Variants in ATP10B observed in about 807,000 individuals in gnomAD.
ATP10B encodes ATPase phospholipid transporting 10B (putative).
In ATP10B, 122 loss-of-function variants were observed where a neutral mutation model predicts 141.2. The observed-to-expected ratio is 0.86, with a 90% CI of 0.75 to 1.00. The LOEUF (loss-of-function observed/expected upper bound fraction) is 1.00, where lower values mean the gene tolerates loss of function less well. Among genes scored for constraint, ATP10B ranks in the 50% least tolerant of loss-of-function variants. The pLI is 0.00. For missense variants in ATP10B, 1,876 were observed against 1,825.3 expected, an observed-to-expected ratio of 1.03 and a Z score of -0.51; for synonymous variants, 685 against 692.0, an observed-to-expected ratio of 0.99 and a Z score of 0.16.
chr5:160,928,973 A>T, the ATP10B span, among the ~76,000 whole-genome samples: 1 of 152,182 alleles, frequency 6.6e-6, no homozygotes, highest in African/African-American at 2.4e-5. Flanking sequence ...AGCCCTCATA[A>T]CACAGTCACC....
Position 160,620,784 on chromosome 5 carries a change from G to A in ATP10B, c.1979C>T (p.Ser660Leu), listed in dbSNP as rs540670949. ...SLGANVATTD[S>L]DERDDASVCS... is the part of the protein sequence containing the mutation. Reference sequence around the variant, plus strand: ...CACAGATGCATCATCTCTCTCATCCGAGTCTGTGGTGGCCACGTTGGCCCC... The same window carrying A: ...CACAGATGCATCATCTCTCTCATCCAAGTCTGTGGTGGCCACGTTGGCCCC... Residue 660 changes from serine to leucine, a missense_variant, in exon 15 of 26, where the codon TCG (serine) becomes TTG (leucine). Physicochemically the swap from Ser to Leu is moderately radical, Grantham distance 145 (BLOSUM62 -2). Transcript: ENST00000327245. The A allele has an allele frequency of 7.4e-6, 12 of 1,614,160 alleles. No homozygotes were observed. The highest frequency in any genetic ancestry group is 2.2e-5 in the South Asian group (2 of 91,080).
In ATP10B at chr5:160,792,916, G is replaced by C. The variant is rs548963790; in HGVS notation, c.-575-7113C>G. 2.0e-5 allele frequency among the ~76,000 whole-genome samples: 3 copies of C among 152,236 alleles called. 1 individual carries two copies. In the South Asian group the frequency reaches 6.2e-4, roughly 32 times the overall value. On this transcript the variant is annotated intron_variant, in intron 1 of 25. Coordinates refer to ENST00000327245, the MANE Select transcript of ATP10B (RefSeq NM_025153.3). ...AAAACACTCAACTGAACACACACATGCCATGCTCTCAAAGCACTTCAGAGC... is the reference window on the plus strand; with the variant it reads ...AAAACACTCAACTGAACACACACATCCCATGCTCTCAAAGCACTTCAGAGC...
chr5:160,715,543 C>A (rs1045286257), intron 3 of ATP10B, among the ~76,000 whole-genome samples: 1 of 148,618 alleles, frequency 6.7e-6, no homozygotes, highest in Non-Finnish European at 1.5e-5. Context: ...GAACCCGGTA[C>A]CTCAGATGGA....
chr5:160,819,491 A>C (rs1476134584), intron 1 of ATP10B, among the ~76,000 whole-genome samples: 3 of 152,170 alleles, frequency 2.0e-5, no homozygotes, highest in African/African-American at 7.2e-5. Context: ...CGAAGGTCCA[A>C]AACTTACTGG....
chr5:160,790,387 G>A (rs970839693), intron 1 of ATP10B, among the ~76,000 whole-genome samples: 8 of 152,072 alleles, frequency 5.3e-5, no homozygotes, highest in South Asian at 2.1e-4. Flanking sequence ...AGAAACCCTC[G>A]TCTTAACCCT....
At chr5:160,652,947 A>AATATATTATATATACATGTAT (rs1561702320) in intron 7 of ATP10B, among the ~76,000 whole-genome samples, 27 of 84,242 alleles carry the variant, frequency 3.2e-4, no homozygotes, top group Non-Finnish European at 5.1e-4. Flanking sequence ...ATGTATATAT[A>AATATATTATATATACATGTAT]ATATATTATA....
the ATP10B span, among the ~76,000 whole-genome samples, chr5:160,894,887 G>T: frequency 6.6e-6 from 1 of 152,114 alleles, no homozygotes; most frequent in South Asian, 2.1e-4. Context: ...AGAAGAAAGC[G>T]GGAGCCAATA....
the ATP10B span, among the ~76,000 whole-genome samples, chr5:160,874,825 G>A: frequency 2.7e-5 from 4 of 147,806 alleles, no homozygotes; most frequent in African/African-American, 5.0e-5. Flanking sequence ...GAGAAGGGAA[G>A]TTTAGAGAAA....
chr5:160,601,544 G>A (rs1015456482), intron 21 of ATP10B, among the ~76,000 whole-genome samples: 6 of 152,122 alleles, frequency 3.9e-5, no homozygotes, highest in Admixed American at 1.3e-4. Context: ...TCTTCTGACC[G>A]TTTTAATACC....
chr5:160,796,210 C>T (rs1771940415), intron 1 of ATP10B, among the ~76,000 whole-genome samples: 1 of 152,190 alleles, frequency 6.6e-6, no homozygotes, highest in Admixed American at 6.5e-5. Flanking sequence ...ACCGCTACTT[C>T]TCCCTCTTTC....
chr5:160,916,881 C>G, the ATP10B span, among the ~76,000 whole-genome samples: 3 of 152,166 alleles, frequency 2.0e-5, no homozygotes, highest in African/African-American at 7.2e-5. Flanking sequence ...ACTCTATTCT[C>G]TTTCCATCTA....
chr5:160,672,545 T>G (rs1472661931), intron 6 of ATP10B, among the ~76,000 whole-genome samples: 1 of 152,304 alleles, frequency 6.6e-6, no homozygotes, highest in African/African-American at 2.4e-5. Context: ...TTTGGAAATG[T>G]CCCGCTTTAA....
the ATP10B span, among the ~76,000 whole-genome samples, chr5:160,921,270 CTTTGTT>C: frequency 0.041 from 6,030 of 147,082 alleles, 230 homozygotes; most frequent in East Asian, 0.2. Context: ...CTATTCAGCA[CTTTGTT>C]TTTTTTTTTT....
chr5:160,571,851 T>G (rs889004990), intron 24 of ATP10B, among the ~76,000 whole-genome samples: 4 of 152,218 alleles, frequency 2.6e-5, no homozygotes, highest in Non-Finnish European at 5.9e-5. Flanking sequence ...AAATTGGTGC[T>G]GATTTCTTTC....
At chr5:160,741,366 G>T (rs1443619300) in intron 2 of ATP10B, among the ~76,000 whole-genome samples, 1 of 152,338 alleles carries the variant, frequency 6.6e-6, no homozygotes, top group African/African-American at 2.4e-5. Context: ...AGGAGGATGG[G>T]ATCAGTCTCT....
intron 2 of ATP10B, among the ~76,000 whole-genome samples, chr5:160,760,986 C>G (rs1253392451): frequency 3.3e-5 from 5 of 152,102 alleles, no homozygotes; most frequent in Non-Finnish European, 7.4e-5. Context: ...AATAGCCCCA[C>G]CCATCACCTC....
chr5:160,879,043 C>T, the ATP10B span, among the ~76,000 whole-genome samples: 1 of 96,368 alleles, frequency 1.0e-5, no homozygotes, highest in Non-Finnish European at 2.1e-5. Context: ...TGGGTATATA[C>T]CCAAAGGACT....
intron 1 of ATP10B, among the ~76,000 whole-genome samples, chr5:160,851,402 C>G (rs1753806686): frequency 6.6e-6 from 1 of 151,942 alleles, no homozygotes; most frequent in South Asian, 2.1e-4. Flanking sequence ...GTAACTCATA[C>G]TTAGGGAAAA....
intron 22 of ATP10B, among the ~76,000 whole-genome samples, chr5:160,594,417 C>G (rs1325219042): frequency 1.3e-5 from 2 of 152,166 alleles, no homozygotes; most frequent in African/African-American, 4.8e-5. Context: ...ACAACCAGTA[C>G]CAGCCACTGC....
Sources: allele counts gnomAD v4.1 joint callset (sites outside exome capture counted in the v4.1 genomes callset), GRCh38; gene constraint gnomAD v4.1.1; transcripts MANE v1.5; gene names NCBI Gene and HGNC (gene_info 2026-07-23, HGNC 2026-07-21).